The following CDK14 variants were observed in gnomAD, a reference collection of about 807,000 sequenced individuals.
CDK14 encodes cyclin-dependent kinase 14.
A neutral mutation model predicts 60.7 loss-of-function variants in CDK14; 34 were observed. The ratio of observed to expected loss-of-function variants is 0.56; its 90% CI spans 0.43 to 0.75. The LOEUF is 0.75. CDK14 is among the 30% of genes least tolerant of loss of function. The probability of loss-of-function intolerance (pLI) is 0.00; values close to 1 mark genes in which losing one functional copy is unlikely to be tolerated. For synonymous variants in CDK14, 197 were observed against 203.7 expected, an observed-to-expected ratio of 0.97 and a Z score of 0.28; for missense variants, 482 against 564.1, an observed-to-expected ratio of 0.85 and a Z score of 1.47.
intron 12 of CDK14, among the ~76,000 whole-genome samples, chr7:91,111,767 T>G (rs1437640186): frequency 1.3e-5 from 2 of 152,222 alleles, no homozygotes; most frequent in African/African-American, 4.8e-5. Flanking sequence ...TTATTATCAT[T>G]ATTATATTAA....
intron 4 of CDK14, among the ~76,000 whole-genome samples, chr7:90,756,044 GTAGT>G (rs1804044047): frequency 1.3e-5 from 2 of 152,178 alleles, no homozygotes; most frequent in African/African-American, 4.8e-5. Flanking sequence ...GTTCACACAG[GTAGT>G]TAGTGGCAAA....
At chr7:90,597,784 T>G (rs1348144364) in intron 1 of CDK14, among the ~76,000 whole-genome samples, 3 of 151,752 alleles carry the variant, frequency 2.0e-5, no homozygotes, top group Non-Finnish European at 4.4e-5. Flanking sequence ...TTGTAAGATA[T>G]GCAAACTTTC....
chr7:90,786,537 G>A (rs979237165), intron 4 of CDK14, among the ~76,000 whole-genome samples: 1 of 152,088 alleles, frequency 6.6e-6, no homozygotes, highest in Non-Finnish European at 1.5e-5. Flanking sequence ...TTTTCATACA[G>A]TAATATATCT....
intron 1 of CDK14, among the ~76,000 whole-genome samples, chr7:90,600,074 C>T (rs558358864): frequency 6.6e-6 from 1 of 152,294 alleles, no homozygotes; most frequent in East Asian, 1.9e-4. Context: ...TTTATGACAT[C>T]TGCCAGGGAA....
intron 2 of CDK14, among the ~76,000 whole-genome samples, chr7:90,635,523 T>C (rs1196810926): frequency 6.6e-6 from 1 of 152,204 alleles, no homozygotes; most frequent in African/African-American, 2.4e-5. Flanking sequence ...ACCATGCTGT[T>C]TTGGTTACTG....
intron 10 of CDK14, among the ~76,000 whole-genome samples, chr7:91,030,679 C>A (rs536088293): frequency 6.6e-6 from 1 of 152,348 alleles, no homozygotes; most frequent in Non-Finnish European, 1.5e-5. Flanking sequence ...CCTGACCCCA[C>A]CTTGCTGTTG....
chr7:91,059,398 A>G (rs1313532746), intron 11 of CDK14, among the ~76,000 whole-genome samples: 1 of 151,584 alleles, frequency 6.6e-6, no homozygotes, highest in Admixed American at 6.6e-5. Context: ...TTGTGTCTCT[A>G]TTTCCTTCAG....
chr7:90,715,567 C>A (rs938722892), intron 2 of CDK14, among the ~76,000 whole-genome samples: 1 of 151,570 alleles, frequency 6.6e-6, no homozygotes, highest in Non-Finnish European at 1.5e-5. Flanking sequence ...TCAGGTAGAA[C>A]CCAAGGCAAA....
At chr7:90,901,658 C>T (rs1022380739) in intron 7 of CDK14, among the ~76,000 whole-genome samples, 3 of 138,996 alleles carry the variant, frequency 2.2e-5, no homozygotes, top group African/African-American at 7.9e-5. Context: ...GTAGAGTCAC[C>T]TGGCAAGCTT....
At chr7:91,130,458 CT>C (rs1800082116) in intron 14 of CDK14, among the ~76,000 whole-genome samples, 1 of 152,094 alleles carries the variant, frequency 6.6e-6, no homozygotes, top group Non-Finnish European at 1.5e-5. Context: ...TTTTAAGAGT[CT>C]TAAGGGGTCC....
chr7:90,620,616 A>G (rs1799745910), intron 2 of CDK14, among the ~76,000 whole-genome samples: 1 of 152,182 alleles, frequency 6.6e-6, no homozygotes, highest in South Asian at 2.1e-4. Flanking sequence ...AATTAATGAA[A>G]TAATGCTTGT....
At chr7:90,817,900 G>A (rs1296587997) in intron 5 of CDK14, among the ~76,000 whole-genome samples, 1 of 152,110 alleles carries the variant, frequency 6.6e-6, no homozygotes, top group Non-Finnish European at 1.5e-5. Context: ...GGTTCATGGT[G>A]GGTAAGGGAA....
chr7:90,945,297 T>C (rs773696906), intron 8 of CDK14, among the ~76,000 whole-genome samples: 1 of 152,240 alleles, frequency 6.6e-6, no homozygotes, highest in Admixed American at 6.5e-5. Context: ...TTATCTCATC[T>C]AATTCGCACA....
chr7:91,086,451 G>C (rs1401255592), intron 12 of CDK14, among the ~76,000 whole-genome samples: 1 of 152,042 alleles, frequency 6.6e-6, no homozygotes, highest in South Asian at 2.1e-4. Flanking sequence ...TAGACACACA[G>C]CTCTCTACCC....
intron 2 of CDK14, among the ~76,000 whole-genome samples, chr7:90,697,790 CG>C (rs1563048625): frequency 6.6e-6 from 1 of 151,860 alleles, no homozygotes; most frequent in Non-Finnish European, 1.5e-5. Flanking sequence ...GTGTTGCGGC[CG>C]GGCACGGTGG....
chr7:90,748,370 A>T (rs1803680929), intron 4 of CDK14, among the ~76,000 whole-genome samples: 1 of 152,044 alleles, frequency 6.6e-6, no homozygotes, highest in Non-Finnish European at 1.5e-5. Context: ...GCTTGTCCTC[A>T]TGTGTTTCTG....
At chr7:91,117,759 A>G (rs1799652501) in intron 13 of CDK14, among the ~76,000 whole-genome samples, 2 of 152,300 alleles carry the variant, frequency 1.3e-5, no homozygotes, top group South Asian at 4.1e-4. Context: ...TTTTCCAATG[A>G]ATGAGAGAAT....
intron 10 of CDK14, among the ~76,000 whole-genome samples, chr7:90,985,308 C>G (rs1024767583): frequency 6.6e-6 from 1 of 152,100 alleles, no homozygotes; most frequent in Non-Finnish European, 1.5e-5. Flanking sequence ...GTTCTCTGAG[C>G]TTTAGTTTTC....
At chr7:91,104,569 A>C (rs1348603075) in intron 12 of CDK14, among the ~76,000 whole-genome samples, 1 of 152,140 alleles carries the variant, frequency 6.6e-6, no homozygotes, top group East Asian at 1.9e-4. Context: ...GAACCATCCA[A>C]AAAGATTGTC....
Sources: allele counts gnomAD v4.1 joint callset (sites outside exome capture counted in the v4.1 genomes callset), GRCh38; gene constraint gnomAD v4.1.1; transcripts MANE v1.5; gene names NCBI Gene and HGNC (gene_info 2026-07-23, HGNC 2026-07-21).